The following TOX2 variants were observed in gnomAD, a reference collection of about 807,000 sequenced individuals.
TOX2 encodes the protein granulosa cell HMG box 1.
In TOX2, 15 loss-of-function variants were observed where a neutral mutation model predicts 47.4. The observed-to-expected ratio is 0.32, with a 90% CI of 0.21 to 0.49. The LOEUF (loss-of-function observed/expected upper bound fraction) is 0.49. Among genes scored for constraint, TOX2 ranks in the 20% least tolerant of loss-of-function variants. The pLI is 0.99. For missense variants in TOX2, 622 were observed against 673.1 expected, an observed-to-expected ratio of 0.92 and a Z score of 0.84; for synonymous variants, 290 against 296.6, an observed-to-expected ratio of 0.98 and a Z score of 0.23.
At chr20:43,994,951 C>T (rs1002026217) in intron 2 of TOX2, among the ~76,000 whole-genome samples, 3 of 152,068 alleles carry the variant, frequency 2.0e-5, no homozygotes, top group African/African-American at 7.2e-5. Context: ...GTTAGATGCA[C>T]TCCTGTGTGA....
chr20:43,967,422 T>C (rs1600691667), intron 1 of TOX2, among the ~76,000 whole-genome samples: 2 of 152,242 alleles, frequency 1.3e-5, no homozygotes, highest in East Asian at 3.9e-4. Context: ...CAGACCCACA[T>C]TGCTATGCGC....
rs542462034 is a variant in TOX2, at chr20:44,040,040, G to A, written c.412-11266G>A. 2.2e-3 allele frequency among the ~76,000 whole-genome samples: 331 copies of A among 152,318 alleles called. 1 individual carries two copies. Among genetic ancestry groups the A allele is most frequent in the African/African-American group, 7.6e-3 (317 of 41,562 alleles). Reference sequence around the variant, plus strand: ...TAAAAGTGTTGGGGCAGCGGGGTGTGGGTTCTGATTGGAGTAGGGGTCTCG... The same window carrying A: ...TAAAAGTGTTGGGGCAGCGGGGTGTAGGTTCTGATTGGAGTAGGGGTCTCG... On this transcript the variant is annotated intron_variant, in intron 3 of 8. Coordinates refer to ENST00000341197, the MANE Select transcript of TOX2 (RefSeq NM_001098797.2).
chr20:44,052,504 C>CT (rs1362324918), intron 4 of TOX2, among the ~76,000 whole-genome samples: 1 of 152,196 alleles, frequency 6.6e-6, no homozygotes, highest in Non-Finnish European at 1.5e-5. Flanking sequence ...TAACCCTGGA[C>CT]TTTGGGGGAA....
intron 1 of TOX2, among the ~76,000 whole-genome samples, chr20:43,971,370 C>T (rs551364693): frequency 3.2e-4 from 48 of 152,264 alleles, no homozygotes; most frequent in Middle Eastern, 3.4e-3. Context: ...GGGGCGAGGG[C>T]GCGTCGAAAA....
chr20:44,039,673 C>T (rs1005460816), intron 3 of TOX2, among the ~76,000 whole-genome samples: 10 of 152,294 alleles, frequency 6.6e-5, no homozygotes, highest in African/African-American at 1.9e-4. Flanking sequence ...GCAACAGGAA[C>T]GGGGTCCTGC....
chr20:44,048,373 C>A, intron 3 of TOX2, among the ~76,000 whole-genome samples: 2 of 100,042 alleles, frequency 2.0e-5, no homozygotes, highest in African/African-American at 3.7e-5. Flanking sequence ...ATGTTAGTAT[C>A]TGGATAAAAT....
chr20:44,048,365 G>A (rs1218011531), intron 3 of TOX2, among the ~76,000 whole-genome samples: 1 of 122,104 alleles, frequency 8.2e-6, no homozygotes, highest in African/African-American at 3.0e-5. Context: ...GCTAGTACAT[G>A]TTAGTATCTG....
intron 2 of TOX2, among the ~76,000 whole-genome samples, chr20:43,975,337 C>T (rs1157736796): frequency 6.6e-6 from 1 of 152,156 alleles, no homozygotes; most frequent in Non-Finnish European, 1.5e-5. Flanking sequence ...CAGTCATATC[C>T]TCAACAATTC....
chr20:44,048,414 G>GATATATA (rs2071452436), intron 3 of TOX2, among the ~76,000 whole-genome samples: 1 of 118,370 alleles, frequency 8.4e-6, no homozygotes, highest in Non-Finnish European at 1.7e-5. Flanking sequence ...ATATATATAT[G>GATATATA]TATAATTTAC....
intron 2 of TOX2, among the ~76,000 whole-genome samples, chr20:43,982,210 T>C (rs1490875569): frequency 6.6e-6 from 1 of 151,998 alleles, no homozygotes; most frequent in African/African-American, 2.4e-5. Flanking sequence ...GTGTCAGTCT[T>C]CTCAGAGAGT....
chr20:43,958,046 T>C (rs1196311672), intron 1 of TOX2, among the ~76,000 whole-genome samples: 1 of 152,224 alleles, frequency 6.6e-6, no homozygotes, highest in Non-Finnish European at 1.5e-5. Flanking sequence ...CTAAATCATA[T>C]CAGCCTCTCT....
At chr20:43,927,360 T>C (rs930312107) in intron 1 of TOX2, among the ~76,000 whole-genome samples, 4 of 152,092 alleles carry the variant, frequency 2.6e-5, no homozygotes, top group South Asian at 2.1e-4. Context: ...CCTACTTTTT[T>C]CCCCTGTGGG....
chr20:43,946,213 T>C (rs949746481), intron 1 of TOX2, among the ~76,000 whole-genome samples: 1 of 152,134 alleles, frequency 6.6e-6, no homozygotes, highest in Non-Finnish European at 1.5e-5. Context: ...AGCTCCTTCT[T>C]GGAGAGGAAT....
chr20:43,931,073 C>CT (rs1470843404), intron 1 of TOX2, among the ~76,000 whole-genome samples: 1 of 152,222 alleles, frequency 6.6e-6, no homozygotes, highest in Non-Finnish European at 1.5e-5. Context: ...CAGAGCGACT[C>CT]TGACTGCCAG....
At chr20:44,046,846 C>T (rs1240088159) in intron 3 of TOX2, among the ~76,000 whole-genome samples, 3 of 152,084 alleles carry the variant, frequency 2.0e-5, no homozygotes, top group African/African-American at 7.3e-5. Flanking sequence ...GTCTGTATAC[C>T]AAACCCCTGT....
At chr20:43,917,426 C>G (rs1010265724) in intron 1 of TOX2, among the ~76,000 whole-genome samples, 17 of 152,186 alleles carry the variant, frequency 1.1e-4, no homozygotes, top group African/African-American at 4.1e-4. Context: ...ACACTTGGGG[C>G]CTGTAGGCCT....
At chr20:43,934,136 G>GGGGAGAGA (rs111694860) in intron 1 of TOX2, among the ~76,000 whole-genome samples, 1 of 122,084 alleles carries the variant, frequency 8.2e-6, no homozygotes, top group South Asian at 3.2e-4. Flanking sequence ...CCCAAGGTAA[G>GGGGAGAGA]GAGAGAGAGA....
chr20:43,995,655 C>T (rs537898595), intron 2 of TOX2, among the ~76,000 whole-genome samples: 34 of 152,230 alleles, frequency 2.2e-4, no homozygotes, highest in African/African-American at 8.2e-4. Context: ...TTTTTCTGCT[C>T]CTCTCCCTCC....
At chr20:44,057,412 T>C (rs756365573) in intron 5 of TOX2, among the ~76,000 whole-genome samples, 162 of 152,192 alleles carry the variant, frequency 1.1e-3, no homozygotes, top group Non-Finnish European at 2.0e-3. Flanking sequence ...GTTTTTGAAA[T>C]CACATTTAGA....
Sources: gnomAD v4.1 joint callset for allele counts (sites outside exome capture counted in the v4.1 genomes callset) on GRCh38, gnomAD v4.1.1 for gene constraint, MANE v1.5 for transcripts, NCBI Gene and HGNC (gene_info 2026-07-23, HGNC 2026-07-21) for gene names.